RGS12: variants seen among roughly 807,000 people sequenced by gnomAD.
RGS12 encodes the protein regulator of G protein signaling 12.
In RGS12, 66 loss-of-function variants were observed where a neutral mutation model predicts 120.1. The observed-to-expected ratio is 0.55, with a 90% CI of 0.45 to 0.67. The LOEUF (loss-of-function observed/expected upper bound fraction) is 0.67. RGS12 is among the 30% of genes least tolerant of loss of function. The pLI, the probability that RGS12 is intolerant of heterozygous loss-of-function variation, is 0.00. For synonymous variants in RGS12, 827 were observed against 804.7 expected, an observed-to-expected ratio of 1.03 and a Z score of -0.47; for missense variants, 1,859 against 1,957.7, an observed-to-expected ratio of 0.95 and a Z score of 0.95.
At chr4:3,304,414 T>G (rs934881172) in intron 1 of RGS12, among the ~76,000 whole-genome samples, 3 of 152,200 alleles carry the variant, frequency 2.0e-5, no homozygotes, top group African/African-American at 7.2e-5. Context: ...CAGGTAGTTT[T>G]TGTTAGTGGA....
Position 3,317,909 on chromosome 4 carries a change from C to T in RGS12, c.1739C>T (p.Pro580Leu). ...CTGCCCCCTCCTATGAGCAAGATCC[C>T]CGCAGACCGCTACAGGGTGGAGGGC... is the stretch of plus-strand genomic sequence containing the variant. ...GTLPPPMSKI[P>L]ADRYRVEGSF... Residue 580 changes from proline (P) to leucine (L), a missense_variant, in exon 2 of 18, where the codon CCC (proline) becomes CTC (leucine). Physicochemically the swap from Pro to Leu is moderately conservative, Grantham distance 98. Around this residue, in one of 3 missense-constraint regions of RGS12, gnomAD observed 967 missense variants for 994.2 expected, o/e 0.97. Coordinates refer to ENST00000336727, the MANE Select transcript of RGS12 (RefSeq NM_001394154.1). 1 of 1,614,132 alleles carries T rather than the reference C, an allele frequency of 6.2e-7. No individual in the cohort carries two copies. Among genetic ancestry groups the T allele is most frequent in the Non-Finnish European group, 8.5e-7 (1 of 1,180,036 alleles).
intron 17 of RGS12, among the ~76,000 whole-genome samples, chr4:3,437,091 G>A (rs768541993): frequency 1.3e-5 from 2 of 152,130 alleles, no homozygotes; most frequent in African/African-American, 4.8e-5. Flanking sequence ...GGTGCTCCCC[G>A]GGCAGGCCCT....
At chr4:3,332,296 T>G (rs1471538964) in intron 2 of RGS12, among the ~76,000 whole-genome samples, 2 of 152,206 alleles carry the variant, frequency 1.3e-5, no homozygotes, top group Admixed American at 1.3e-4. Context: ...TGCTGCTGCT[T>G]CAGTTTTATA....
intron 17 of RGS12, chr4:3,432,002 G>T: frequency 2.0e-6 from 2 of 985,462 alleles, no homozygotes; most frequent in Non-Finnish European, 2.4e-6. Context: ...TTCACAGCCA[G>T]GACACGCCTG....
Position 3,439,689 on chromosome 4 carries a change from C to A in RGS12, c.*5C>A. ...CACCACGCCACCTTCGTCTGAGCTG[C>A]CCTGGCCTGGCCAACTCTCCTGTGG... On this transcript the variant is annotated 3_prime_UTR_variant, in exon 18 of 18. Coordinates refer to ENST00000336727, the MANE Select transcript of RGS12 (RefSeq NM_001394154.1). 6.7e-7 allele frequency: 1 copy of A among 1,501,320 alleles called. No homozygotes were observed. Among genetic ancestry groups the A allele is most frequent in the Non-Finnish European group, 8.9e-7 (1 of 1,123,742 alleles). 93.0% of individuals were successfully genotyped at this position (1,501,320 alleles called of 1,614,324 possible).
At chr4:3,370,119 C>T (rs1716812445) in intron 3 of RGS12, 1 of 1,409,762 alleles carries the variant, frequency 7.1e-7, no homozygotes, top group East Asian at 2.5e-5. Context: ...CAAGCCACAG[C>T]TTCCTGCAGT....
At chr4:3,307,471 A>G (rs891017467) in intron 1 of RGS12, among the ~76,000 whole-genome samples, 6 of 152,308 alleles carry the variant, frequency 3.9e-5, no homozygotes, top group South Asian at 2.1e-4. Context: ...AACTTCATCA[A>G]CCCTCTTACT....
rs752789322 is a variant in RGS12, at chr4:3,430,964, AG to A, written c.4114+11del. On this transcript the variant is annotated intron_variant, in intron 17 of 17. Transcript: ENST00000336727. Reference sequence around the variant, plus strand: ...AGGACCTTCCAGACCAGGTACCTCCAGGTTCTGATCCCTCCACCTTGGCCCC... The same window carrying A: ...AGGACCTTCCAGACCAGGTACCTCCAGTTCTGATCCCTCCACCTTGGCCCC... The A allele has an allele frequency of 6.2e-7, 1 of 1,611,600 alleles. No individual in the cohort carries two copies. Among genetic ancestry groups the A allele is most frequent in the African/African-American group, 1.3e-5 (1 of 74,938 alleles).
intron 2 of RGS12, among the ~76,000 whole-genome samples, chr4:3,319,827 G>A (rs1037973073): frequency 3.9e-5 from 6 of 152,196 alleles, no homozygotes; most frequent in Admixed American, 6.5e-5. Flanking sequence ...CCCTGGTCTG[G>A]ATTCTCAGGG....
At chr4:3,324,899 T>TAATA (rs1405853344) in intron 2 of RGS12, 2 of 152,260 alleles carry the variant, frequency 1.3e-5, no homozygotes, top group African/African-American at 4.8e-5. Context: ...TTTTGTATCT[T>TAATA]AATAGACCAT....
At chr4:3,292,985 C>T (rs919064076), upstream of RGS12, 3 of 149,994 alleles carry the variant, frequency 2.0e-5, no homozygotes, top group African/African-American at 7.3e-5. Flanking sequence ...CTCCTCCGGC[C>T]TCGGCCCCGC....
In RGS12 at chr4:3,430,648, C is replaced by T. The variant is rs570210321; in HGVS notation, c.3807C>T (p.Asp1269=). Residue 1269 remains aspartate, a synonymous_variant, in exon 17 of 18, where the codon GAC becomes GAT. Coordinates refer to ENST00000336727, the MANE Select transcript of RGS12 (RefSeq NM_001394154.1). Reference sequence around the variant, plus strand: ...GGGAGCCAGTCCAGGAGAGCAGCGACAGCCCGTCCACCAGCCCGGGCTCAG... The same window carrying T: ...GGGAGCCAGTCCAGGAGAGCAGCGATAGCCCGTCCACCAGCCCGGGCTCAG... ...EQWEPVQESS[D]SPSTSPGSAS... 7 of 1,598,746 alleles carry T rather than the reference C, an allele frequency of 4.4e-6. No homozygotes were observed. Among genetic ancestry groups the T allele is most frequent in the African/African-American group, 2.7e-5 (2 of 74,666 alleles).
Position 3,317,666 on chromosome 4 carries a change from A to G in RGS12, c.1496A>G (p.Asn499Ser). ...CAGACTGACAGGTTCTGGGACCTAA[A>G]CAAGCACCTAGGGCCAGCCTCTCCT... ...AHQTDRFWDL[N>S]KHLGPASPVE... Residue 499 changes from asparagine to serine, a missense_variant, in exon 2 of 18, where the codon AAC (asparagine) becomes AGC (serine). This residue lies in a region of RGS12 where 967 missense variants were observed against 994.2 expected (regional missense o/e 0.97). Transcript: ENST00000336727. 6.2e-7 allele frequency: 1 copy of G among 1,604,750 alleles called. No individual in the cohort carries two copies. Among genetic ancestry groups the G allele is most frequent in the Non-Finnish European group, 8.5e-7 (1 of 1,173,940 alleles).
chr4:3,303,278 C>T (rs1367275231), intron 1 of RGS12, among the ~76,000 whole-genome samples: 1 of 152,094 alleles, frequency 6.6e-6, no homozygotes, highest in African/African-American at 2.4e-5. Context: ...AGCGGGGAGT[C>T]CAGCAGGAGG....
At chr4:3,427,224 G>A (rs916910174) in intron 14 of RGS12, among the ~76,000 whole-genome samples, 6 of 152,232 alleles carry the variant, frequency 3.9e-5, no homozygotes, top group African/African-American at 1.2e-4. Flanking sequence ...GCTTTGCCCC[G>A]GCTGACCCTC....
At chr4:3,377,640 A>T (rs958699646) in intron 3 of RGS12, among the ~76,000 whole-genome samples, 5 of 152,212 alleles carry the variant, frequency 3.3e-5, no homozygotes, top group African/African-American at 1.2e-4. Flanking sequence ...AAACCTTAAT[A>T]AAGGTTAGAT....
At chr4:3,432,051 C>T in intron 17 of RGS12, 1 of 985,418 alleles carries the variant, frequency 1.0e-6, no homozygotes, top group Non-Finnish European at 1.2e-6. Flanking sequence ...CCCACCGGTG[C>T]CACTCTGCAG....
chr4:3,361,506 A>G (rs1431081950), intron 3 of RGS12, among the ~76,000 whole-genome samples: 1 of 152,226 alleles, frequency 6.6e-6, no homozygotes, highest in Non-Finnish European at 1.5e-5. Context: ...TGGGCCTGAA[A>G]GCAAGATGGG....
chr4:3,414,464 C>A, intron 5 of RGS12: 3 of 603,568 alleles, frequency 5.0e-6, no homozygotes, highest in Non-Finnish European at 8.7e-6. Flanking sequence ...CTGGCCCTCC[C>A]GCTCTCTACT....
Sources: gnomAD v4.1 joint callset for allele counts (sites outside exome capture counted in the v4.1 genomes callset) on GRCh38, gnomAD v4.1.1 for gene constraint, gnomAD v4.1.1 regional missense constraint, MANE v1.5 for transcripts, NCBI Gene and HGNC (gene_info 2026-07-23, HGNC 2026-07-21) for gene names.